Variants in FRMD6 observed in about 807,000 individuals in gnomAD.
The protein encoded by FRMD6 is FERM domain containing 6, also known as FERM domain-containing protein 6.
A neutral mutation model predicts 73.2 loss-of-function variants in FRMD6; 37 were observed. The observed-to-expected ratio is 0.51, with a 90% CI of 0.39 to 0.66. The LOEUF is 0.66. FRMD6 is among the 30% of genes least tolerant of loss of function. The pLI is 0.00. For synonymous variants in FRMD6, 273 were observed against 282.2 expected (o/e 0.97, Z 0.33); for missense variants, 714 against 780.5 (o/e 0.91, Z 1.02).
intron 2 of FRMD6, among the ~76,000 whole-genome samples, chr14:51,610,423 A>G (rs185624113): frequency 3.7e-4 from 57 of 152,154 alleles, no homozygotes; most frequent in Non-Finnish European, 7.8e-4. Context: ...TTATTAGCTA[A>G]ACATCTGTTT....
chr14:51,467,305 A>T, the FRMD6 span, among the ~76,000 whole-genome samples: 1 of 152,248 alleles, frequency 6.6e-6, no homozygotes, highest in Non-Finnish European at 1.5e-5. Context: ...GATTAACAGC[A>T]TCCCAAGGCA....
Position 51,727,876 on chromosome 14 carries a change from A to T in FRMD6, c.1716A>T (p.Gly572=). 1 of 1,614,174 alleles carries T rather than the reference A, an allele frequency of 6.2e-7. No individual in the cohort carries two copies. The highest frequency in any genetic ancestry group is 8.5e-7 in the Non-Finnish European group (1 of 1,180,020). ...CQDTAQSYTF[G]CGHELDEEGL... ...ACACTGCTCAGAGTTACACCTTTGG[A>T]TGTGGCCATGAACTGGATGAGGAAG... Residue 572 remains glycine (G), a synonymous_variant, in exon 14 of 14, where the codon GGA becomes GGT. Coordinates refer to ENST00000344768, the MANE Select transcript of FRMD6 (RefSeq NM_001267046.2).
intron 1 of FRMD6, among the ~76,000 whole-genome samples, chr14:51,513,375 A>T (rs571562634): frequency 3.9e-5 from 6 of 152,170 alleles, no homozygotes; most frequent in Non-Finnish European, 8.8e-5. Context: ...ATATCTTATA[A>T]ATTTCTAATC....
chr14:51,497,628 A>G (rs1319350033), intron 1 of FRMD6, among the ~76,000 whole-genome samples: 1 of 152,232 alleles, frequency 6.6e-6, no homozygotes, highest in Non-Finnish European at 1.5e-5. Flanking sequence ...ATATTATTAG[A>G]TGCAGTGTAT....
At chr14:51,654,015 G>A (rs1594665229) in intron 1 of FRMD6, among the ~76,000 whole-genome samples, 1 of 152,072 alleles carries the variant, frequency 6.6e-6, no homozygotes, top group East Asian at 1.9e-4. Context: ...GACACTGATG[G>A]GCTACAGTAA....
chr14:51,447,979 A>C, the FRMD6 span, among the ~76,000 whole-genome samples: 1 of 152,222 alleles, frequency 6.6e-6, no homozygotes, highest in Non-Finnish European at 1.5e-5. Context: ...GCTTAATGCT[A>C]TCACAGAGAA....
chr14:51,544,245 T>C (rs1224709573), intron 1 of FRMD6, among the ~76,000 whole-genome samples: 1 of 152,066 alleles, frequency 6.6e-6, no homozygotes, highest in Non-Finnish European at 1.5e-5. Context: ...ACTTTATTAA[T>C]GGAATGAGGT....
chr14:51,534,679 A>C (rs1249674844), intron 1 of FRMD6, among the ~76,000 whole-genome samples: 2 of 152,192 alleles, frequency 1.3e-5, no homozygotes, highest in Non-Finnish European at 2.9e-5. Flanking sequence ...CTTCCAGAAC[A>C]GGTAAATAAT....
At chr14:51,401,166 C>T in the FRMD6 span, among the ~76,000 whole-genome samples, 4 of 152,188 alleles carry the variant, frequency 2.6e-5, no homozygotes, top group South Asian at 2.1e-4. Context: ...CATTTTTCTG[C>T]ATGTGGTAGG....
chr14:51,700,360 T>C (rs1896227989), intron 3 of FRMD6, among the ~76,000 whole-genome samples: 1 of 152,074 alleles, frequency 6.6e-6, no homozygotes, highest in African/African-American at 2.4e-5. Context: ...ACATAGGTTT[T>C]AGCGGTCTTA....
the FRMD6 span, among the ~76,000 whole-genome samples, chr14:51,447,437 C>T: frequency 1.1e-4 from 16 of 152,130 alleles, no homozygotes; most frequent in East Asian, 1.7e-3. Flanking sequence ...ACCAGGAAGA[C>T]GTCGTACTTA....
intron 1 of FRMD6, among the ~76,000 whole-genome samples, chr14:51,540,298 C>A (rs1886135731): frequency 6.6e-6 from 1 of 152,048 alleles, no homozygotes; most frequent in Non-Finnish European, 1.5e-5. Flanking sequence ...TCAGGCCGGA[C>A]AGAAGGAAAA....
At chr14:51,593,185 G>T (rs965599786) in intron 2 of FRMD6, among the ~76,000 whole-genome samples, 1 of 152,188 alleles carries the variant, frequency 6.6e-6, no homozygotes, top group African/African-American at 2.4e-5. Context: ...CCTGCAGAGG[G>T]AAGTCATGTG....
chr14:51,474,100 G>A, the FRMD6 span, among the ~76,000 whole-genome samples: 3 of 152,170 alleles, frequency 2.0e-5, no homozygotes, highest in Admixed American at 1.3e-4. Context: ...TAGATAAGCA[G>A]GGGTTTGAAT....
Position 51,683,763 on chromosome 14 carries a change from G to T in FRMD6, c.-146-5928G>T, listed in dbSNP as rs886721874. 5.3e-5 allele frequency among the ~76,000 whole-genome samples: 8 copies of T among 152,320 alleles called. No individual in the cohort carries two copies. The South Asian group carries it at 6.2e-4, about 12-fold the overall frequency. On this transcript the variant is annotated intron_variant, in intron 1 of 13. Transcript: ENST00000344768. ...ACTTACCGAAGGTCACACAGCAGGTGTTGTGGAATCCAGATTAAGATCCAG... is the reference window on the plus strand; with the variant it reads ...ACTTACCGAAGGTCACACAGCAGGTTTTGTGGAATCCAGATTAAGATCCAG...
chr14:51,616,071 AAAG>A, intron 2 of FRMD6, among the ~76,000 whole-genome samples: 1 of 152,316 alleles, frequency 6.6e-6, no homozygotes, highest in East Asian at 1.9e-4. Flanking sequence ...CCTGAAATAG[AAAG>A]AAGGACATAC....
chr14:51,628,516 T>G (rs1013426211), intron 2 of FRMD6, among the ~76,000 whole-genome samples: 1 of 152,002 alleles, frequency 6.6e-6, no homozygotes, highest in Non-Finnish European at 1.5e-5. Flanking sequence ...GATTTTAAAT[T>G]TAAATGGCTT....
chr14:51,683,648 T>C (rs1894961798), intron 1 of FRMD6, among the ~76,000 whole-genome samples: 1 of 152,102 alleles, frequency 6.6e-6, no homozygotes, highest in African/African-American at 2.4e-5. Flanking sequence ...CTAATACTTA[T>C]ATCCATTATC....
At chr14:51,570,113 C>G (rs1888052128) in intron 1 of FRMD6, among the ~76,000 whole-genome samples, 1 of 152,134 alleles carries the variant, frequency 6.6e-6, no homozygotes. Context: ...CTGCGCCCGG[C>G]CCATGAGCCA....
Sources: gnomAD v4.1 joint callset for allele counts (sites outside exome capture counted in the v4.1 genomes callset) on GRCh38, gnomAD v4.1.1 for gene constraint, MANE v1.5 for transcripts, NCBI Gene and HGNC (gene_info 2026-07-23, HGNC 2026-07-21) for gene names.